Variants in LRRK2 observed in about 807,000 individuals in gnomAD.
LRRK2 encodes the protein leucine rich repeat kinase 2, also known as leucine-rich repeat serine/threonine-protein kinase 2.
LRRK2 carries 203 observed loss-of-function variants against 302.6 expected under a neutral mutation model. The ratio of observed to expected loss-of-function variants is 0.67; its 90% CI spans 0.60 to 0.75. LRRK2 has a LOEUF of 0.75. Among genes scored for constraint, LRRK2 ranks in the 30% least tolerant of loss-of-function variants. LRRK2 has a pLI of 0.00. For synonymous variants in LRRK2, 1,066 were observed against 1,031.9 expected (o/e 1.03, Z -0.63); for missense variants, 2,830 against 2,951.0 (o/e 0.96, Z 0.95).
chr12:40,356,632 C>T (rs1946547651), intron 46 of LRRK2, among the ~76,000 whole-genome samples: 1 of 152,124 alleles, frequency 6.6e-6, no homozygotes, highest in East Asian at 1.9e-4. Flanking sequence ...TCCATCTATT[C>T]ATCTTTGGTT....
Position 40,310,677 on chromosome 12 carries a change from T to C in LRRK2, c.4536+28T>C, listed in dbSNP as rs1257586413. On this transcript the variant is annotated intron_variant, in intron 31 of 50. Coordinates refer to ENST00000298910, the MANE Select transcript of LRRK2 (RefSeq NM_198578.4). ...AACATGGTAGGCTGGTAGAGAAATG[T>C]AATTTATTGATTCTCAACTGCCTAG... 1.9e-6 allele frequency: 3 copies of C among 1,603,254 alleles called. No homozygotes were observed. The Admixed American group carries it at 5.0e-5, about 27-fold the overall frequency.
intron 2 of LRRK2, among the ~76,000 whole-genome samples, chr12:40,230,599 G>A (rs1301433950): frequency 6.6e-6 from 1 of 150,724 alleles, no homozygotes; most frequent in African/African-American, 2.4e-5. Context: ...CTATTATATT[G>A]GTATTTATTA....
chr12:40,246,441 T>C (rs372907418), intron 7 of LRRK2, among the ~76,000 whole-genome samples: 13 of 152,118 alleles, frequency 8.5e-5, no homozygotes, highest in African/African-American at 3.1e-4. Flanking sequence ...TCTTGTTTTT[T>C]CTTTTTTACC....
chr12:40,331,502 T>C (rs922821797), intron 39 of LRRK2, among the ~76,000 whole-genome samples: 1 of 152,186 alleles, frequency 6.6e-6, no homozygotes, highest in Non-Finnish European at 1.5e-5. Flanking sequence ...TGTCCAATCT[T>C]TTGGCTTCCC....
chr12:40,229,065 T>G (rs1015779095), intron 2 of LRRK2, among the ~76,000 whole-genome samples: 2 of 152,220 alleles, frequency 1.3e-5, no homozygotes, highest in East Asian at 3.8e-4. Context: ...GTGGCCATGC[T>G]AGGTACAATG....
chr12:40,254,625 T>C (rs1565683977), intron 11 of LRRK2, among the ~76,000 whole-genome samples: 1 of 152,198 alleles, frequency 6.6e-6, no homozygotes, highest in Admixed American at 6.5e-5. Flanking sequence ...AACATTGTGT[T>C]GGTGACATCA....
chr12:40,308,657 A>G lies in LRRK2; in HGVS notation c.4150A>G (p.Arg1384Gly). The change falls in exon 29 of 51, where the codon AGA becomes GGA. Residue 1384 changes from arginine to glycine, a missense_variant. Physicochemically the swap from Arg to Gly is moderately radical, Grantham distance 125 (BLOSUM62 -2). This residue lies in a region of LRRK2 where 2,121 missense variants were observed against 2,148.0 expected (regional missense o/e 0.99). Coordinates refer to ENST00000298910, the MANE Select transcript of LRRK2 (RefSeq NM_198578.4). The part of the protein sequence containing the change: ...KDWPIQIRDK[R>G]KRDLVLNVWD... ...CTGGCCTATCCAAATAAGAGACAAA[A>G]GAAAGAGAGATCTCGTCCTAAATGT... 1.2e-6 allele frequency: 2 copies of G among 1,613,986 alleles called. No individual in the cohort carries two copies. The highest frequency in any genetic ancestry group is 1.1e-5 in the South Asian group (1 of 91,076).
chr12:40,315,087 C>T, intron 32 of LRRK2, 125 bp from the exon 33 acceptor site: 1 of 778,506 alleles, frequency 1.3e-6, no homozygotes, highest in South Asian at 1.4e-5. Context: ...AGTCCCAGCT[C>T]TGTCACTAGC....
Position 40,335,150 on chromosome 12 carries a change from G to T in LRRK2, c.5941G>T (p.Gly1981Cys), listed in dbSNP as rs1945829778. 2.5e-6 allele frequency: 4 copies of T among 1,613,878 alleles called. No homozygotes were observed. The highest frequency in any genetic ancestry group is 3.4e-6 in the Non-Finnish European group (4 of 1,179,972). The change falls in exon 40 of 51, where the codon GGT (glycine) becomes TGT (cysteine). Residue 1981 changes from glycine to cysteine, a missense_variant. Around this residue, in one of 3 missense-constraint regions of LRRK2, gnomAD observed 253 missense variants for 346.7 expected, o/e 0.73. Coordinates refer to ENST00000298910, the MANE Select transcript of LRRK2 (RefSeq NM_198578.4). ...QHRIALHVAD[G>C]LRYLHSAMII... ...CAGGATTGCACTCCACGTAGCTGAT[G>T]GTTTGAGGTAAGTAGGTCATGTTGT... is the stretch of plus-strand genomic sequence containing the variant.
intron 19 of LRRK2, among the ~76,000 whole-genome samples, chr12:40,285,950 T>C (rs1291398726): frequency 3.9e-5 from 6 of 152,070 alleles, no homozygotes; most frequent in Non-Finnish European, 8.8e-5. Flanking sequence ...TCTTTGGAAA[T>C]TACTGAGACA....
intron 36 of LRRK2, 45 bp from the exon 37 acceptor site, chr12:40,322,274 T>TA: frequency 1.2e-6 from 2 of 1,608,050 alleles, no homozygotes; most frequent in Non-Finnish European, 1.7e-6. Flanking sequence ...TTTGCGACAG[T>TA]ATGAGGTTTA....
At chr12:40,238,856 C>G (rs1941593195) in intron 5 of LRRK2, among the ~76,000 whole-genome samples, 1 of 152,090 alleles carries the variant, frequency 6.6e-6, no homozygotes, top group African/African-American at 2.4e-5. Flanking sequence ...TGTTGAATTC[C>G]CTGTCTCCTC....
chr12:40,276,836 A>G (rs147469454), intron 16 of LRRK2, among the ~76,000 whole-genome samples: 111 of 152,034 alleles, frequency 7.3e-4, no homozygotes, highest in African/African-American at 2.7e-3. Flanking sequence ...ACGTAAGTTA[A>G]TTTAAAATTT....
chr12:40,278,224 C>A lies in LRRK2; in HGVS notation c.2204C>A (p.Ala735Asp), dbSNP rs1943543236. The A allele has an allele frequency of 6.2e-7, 1 of 1,613,986 alleles. No homozygotes were observed. The highest frequency in any genetic ancestry group is 8.5e-7 in the Non-Finnish European group (1 of 1,180,002). Residue 735 changes from alanine to aspartate, a missense_variant, in exon 18 of 51, where the codon GCC (alanine) becomes GAC (aspartate). Ala to Asp is a moderately radical substitution (Grantham distance 126, BLOSUM62 -2). Around this residue, in one of 3 missense-constraint regions of LRRK2, gnomAD observed 2,121 missense variants for 2,148.0 expected, o/e 0.99. Coordinates refer to ENST00000298910, the MANE Select transcript of LRRK2 (RefSeq NM_198578.4). ...VECLLLLGAD[A>D]NQAKEGSSLI... Reference sequence around the variant, plus strand: ...TGCTTGCTTCTATTGGGAGCAGATGCCAATCAAGCAAAGGAGGGATCTTCT... The same window carrying A: ...TGCTTGCTTCTATTGGGAGCAGATGACAATCAAGCAAAGGAGGGATCTTCT...
intron 37 of LRRK2, 23 bp downstream of exon 37, chr12:40,322,533 A>G: frequency 6.2e-7 from 1 of 1,601,270 alleles, no homozygotes. Context: ...ACAACTTACA[A>G]ATGCTTTTAA....
chr12:40,364,441 T>C (rs1168695811), intron 48 of LRRK2, among the ~76,000 whole-genome samples: 1 of 152,016 alleles, frequency 6.6e-6, no homozygotes, highest in African/African-American at 2.4e-5. Flanking sequence ...TGTATCGATA[T>C]CTTTTACATG....
chr12:40,312,319 T>C (rs17443861), intron 31 of LRRK2, among the ~76,000 whole-genome samples: 1 of 152,176 alleles, frequency 6.6e-6, no homozygotes, highest in Non-Finnish European at 1.5e-5. Flanking sequence ...ATATTGCTAA[T>C]GGATGCAGCA....
intron 49 of LRRK2, 33 bp downstream of exon 49, chr12:40,365,083 T>G (rs768694536): frequency 9.6e-6 from 15 of 1,569,206 alleles, no homozygotes; most frequent in Non-Finnish European, 1.3e-5. Flanking sequence ...TTTTTCATAT[T>G]CTCTAAGTCT....
Position 40,278,160 on chromosome 12 carries a change from G to C in LRRK2, c.2140G>C (p.Glu714Gln). The change falls in exon 18 of 51, where the codon GAG becomes CAG. Residue 714 changes from glutamate to glutamine, a missense_variant. Coordinates refer to ENST00000298910, the MANE Select transcript of LRRK2 (RefSeq NM_198578.4). ...MDDYLKNVML[E>Q]RACDQNNSIM... ...TGATTACTTAAAAAATGTGATGCTA[G>C]AGAGAGCGTGTGATCAGAATAACAG... The C allele has an allele frequency of 6.2e-7, 1 of 1,614,114 alleles. No individual in the cohort carries two copies. Among genetic ancestry groups the C allele is most frequent in the Non-Finnish European group, 8.5e-7 (1 of 1,180,010 alleles).
Sources: allele counts gnomAD v4.1 joint callset (sites outside exome capture counted in the v4.1 genomes callset), GRCh38; gene constraint gnomAD v4.1.1; regional missense constraint gnomAD v4.1.1; transcripts MANE v1.5; gene names NCBI Gene and HGNC (gene_info 2026-07-23, HGNC 2026-07-21).